GPR107: variants seen among roughly 807,000 people sequenced by gnomAD.
The protein encoded by GPR107 is G protein-coupled receptor 107.
In GPR107, 31 loss-of-function variants were observed where a neutral mutation model predicts 75.5. That is an observed-to-expected ratio of 0.41 (90% CI 0.31 to 0.55). The LOEUF (loss-of-function observed/expected upper bound fraction) is 0.55. GPR107 is among the 20% of genes least tolerant of loss of function. GPR107 has a pLI of 0.26. For missense variants in GPR107, 572 were observed against 665.7 expected, an observed-to-expected ratio of 0.86 and a Z score of 1.55; for synonymous variants, 267 against 251.3, an observed-to-expected ratio of 1.06 and a Z score of -0.59.
rs772041822 is a variant in GPR107, at chr9:130,092,418, A to G, written c.863+37A>G. 3.8e-6 allele frequency: 6 copies of G among 1,568,550 alleles called. 1 individual carries two copies. Among genetic ancestry groups the G allele is most frequent in the South Asian group, 3.3e-5 (3 of 90,172 alleles). ...CTCCCTTCAACTTAAGAGTGTGTTG[A>G]GATTTGAATAATGTCACTGTTTGTT... On this transcript the variant is annotated intron_variant, in intron 9 of 17. Coordinates refer to ENST00000347136, the MANE Select transcript of GPR107 (RefSeq NM_020960.5).
At chr9:130,093,223 AC>A (rs1254356954) in intron 9 of GPR107, among the ~76,000 whole-genome samples, 1 of 151,774 alleles carries the variant, frequency 6.6e-6, no homozygotes, top group Non-Finnish European at 1.5e-5. Context: ...TTTTTCTGAA[AC>A]CCCCGAGGCT....
At chr9:130,106,617 A>ATATAAAT (rs1831163943) in intron 13 of GPR107, among the ~76,000 whole-genome samples, 1 of 145,162 alleles carries the variant, frequency 6.9e-6, no homozygotes, top group Non-Finnish European at 1.5e-5. Context: ...ATAAATAAAT[A>ATATAAAT]AATAATAATA....
rs753271794 is a variant in GPR107 at position 130,092,363 on chromosome 9, A to T, written c.845A>T (p.His282Leu). 1 of 1,612,344 alleles carries T rather than the reference A, an allele frequency of 6.2e-7. No homozygotes were observed. Among genetic ancestry groups the T allele is most frequent in the South Asian group, 1.1e-5 (1 of 91,060 alleles). The change falls in exon 9 of 18, where the codon CAT (histidine) becomes CTT (leucine). Residue 282 changes from histidine (H) to leucine (L), a missense_variant. Physicochemically the swap from His to Leu is moderately conservative, Grantham distance 99. Transcript: ENST00000347136. ...FFFLSGTIWI[H>L]ILRKRRNDVF... is the part of the protein sequence containing the mutation. ...TTTCTTTCTGGGACCATCTGGATTC[A>T]TATCCTTCGAAAACGACGGTAAACT...
intron 1 of GPR107, among the ~76,000 whole-genome samples, chr9:130,064,511 T>C (rs1830023909): frequency 6.6e-6 from 1 of 152,232 alleles, no homozygotes; most frequent in Non-Finnish European, 1.5e-5. Flanking sequence ...AAATAGCTTT[T>C]CTTTATCCCT....
Position 130,135,318 on chromosome 9 carries a change from G to C in GPR107, c.*197G>C. 2.1e-6 allele frequency: 1 copy of C among 484,094 alleles called. No individual in the cohort carries two copies. The highest frequency in any genetic ancestry group is 3.6e-6 in the Non-Finnish European group (1 of 275,702). The allele number at this position is 484,094 out of a possible 1,614,324, so 30.0% of individuals were successfully genotyped here. Reference sequence around the variant, plus strand: ...GGAAACGATCTGTGGCTGTTTAGAGGCAGCTGGATCCTCTTTCAGGCGGGA... The same window carrying C: ...GGAAACGATCTGTGGCTGTTTAGAGCCAGCTGGATCCTCTTTCAGGCGGGA... On this transcript the variant is annotated 3_prime_UTR_variant, in exon 18 of 18. Coordinates refer to ENST00000347136, the MANE Select transcript of GPR107 (RefSeq NM_020960.5).
In GPR107 at chr9:130,128,771, C is replaced by A; in HGVS notation, c.1562+10C>A. On this transcript the variant is annotated intron_variant, in intron 17 of 17. Transcript: ENST00000347136. ...TGGAAATGGAGTCCGTGTAAGAAATCTTTCTTCCCTCTTCCTTAGCCCTGA... is the reference window on the plus strand; with the variant it reads ...TGGAAATGGAGTCCGTGTAAGAAATATTTCTTCCCTCTTCCTTAGCCCTGA... 6.2e-7 allele frequency: 1 copy of A among 1,612,940 alleles called. No homozygotes were observed.
intron 1 of GPR107, among the ~76,000 whole-genome samples, chr9:130,058,669 C>T (rs574145987): frequency 1.3e-5 from 2 of 152,022 alleles, no homozygotes; most frequent in South Asian, 4.2e-4. Context: ...TTTGCCATGG[C>T]GGCAAGGCTT....
At chr9:130,125,096 T>TGC (rs1239480266) in intron 15 of GPR107, 132 bp downstream of exon 15, 1 of 502,824 alleles carries the variant, frequency 2.0e-6, no homozygotes, top group South Asian at 2.9e-5. Context: ...CTTGCTTTTT[T>TGC]TTTTTTTTTT....
chr9:130,096,752 C>T (rs544876258), intron 9 of GPR107, among the ~76,000 whole-genome samples: 1 of 152,316 alleles, frequency 6.6e-6, no homozygotes, highest in African/African-American at 2.4e-5. Context: ...GCCACTGCGT[C>T]TGGCCTGATT....
At chr9:130,115,377 C>T (rs935963298) in intron 14 of GPR107, among the ~76,000 whole-genome samples, 1 of 151,974 alleles carries the variant, frequency 6.6e-6, no homozygotes, top group Admixed American at 6.6e-5. Flanking sequence ...CCCCTTTTTT[C>T]CGCTCATTTT....
At chr9:130,109,595 A>T (rs1434307563) in intron 14 of GPR107, among the ~76,000 whole-genome samples, 1 of 144,906 alleles carries the variant, frequency 6.9e-6, no homozygotes, top group Admixed American at 7.0e-5. Flanking sequence ...TTGGAGACGA[A>T]GTCTCGCACT....
At chr9:130,059,351 G>A (rs1352927877) in intron 1 of GPR107, among the ~76,000 whole-genome samples, 2 of 152,120 alleles carry the variant, frequency 1.3e-5, no homozygotes, top group African/African-American at 4.8e-5. Flanking sequence ...AGCCGAGTGC[G>A]GTGGCGGGCG....
intron 7 of GPR107, among the ~76,000 whole-genome samples, chr9:130,087,456 C>G (rs1468786377): frequency 3.3e-5 from 5 of 151,756 alleles, no homozygotes; most frequent in Admixed American, 3.3e-4. Context: ...TTGCTTGAGC[C>G]CAGGAGTTTT....
rs1389398128 is a variant in GPR107 at position 130,067,759 on chromosome 9, T to TG, written c.142-7877_142-7876insG. ...GTCCCCCCCCACCGCCCCCTTTTTT[T>TG]TTTTTGAGACAGTCTCACTCTGTCA... is the stretch of plus-strand genomic sequence containing the variant. On this transcript the variant is annotated intron_variant, in intron 1 of 17. Transcript: ENST00000347136. Among the ~76,000 whole-genome samples, 4 of 145,572 alleles carry TG rather than the reference T, an allele frequency of 2.7e-5. No homozygotes were observed. In the East Asian group the frequency reaches 8.1e-4, roughly 30 times the overall value.
intron 1 of GPR107, among the ~76,000 whole-genome samples, chr9:130,058,427 A>G (rs1196459283): frequency 2.0e-5 from 3 of 151,452 alleles, no homozygotes; most frequent in Non-Finnish European, 4.4e-5. Flanking sequence ...CCCTTTCTGG[A>G]TGTTTAATGT....
At chr9:130,055,135 C>G (rs1190535233) in intron 1 of GPR107, among the ~76,000 whole-genome samples, 2 of 152,084 alleles carry the variant, frequency 1.3e-5, no homozygotes, top group East Asian at 3.8e-4. Flanking sequence ...ATGACCCAAA[C>G]TCTTGTACAT....
chr9:130,137,952 G>C lies in GPR107; in HGVS notation c.*2831G>C, dbSNP rs1038757297. The stretch of plus-strand genomic sequence containing the variant: ...TATCCATGTTTCCTCTGAGAAATCT[G>C]TTGTGGACTGAAAGCGCTGCTGGCT... On this transcript the variant is annotated 3_prime_UTR_variant, in exon 18 of 18. Transcript: ENST00000347136. 1.3e-5 allele frequency: 2 copies of C among 152,248 alleles called. No individual in the cohort carries two copies. Among genetic ancestry groups the C allele is most frequent in the Non-Finnish European group, 2.9e-5 (2 of 68,052 alleles). 9.4% of individuals were successfully genotyped at this position (152,248 alleles called of 1,614,324 possible).
intron 14 of GPR107, among the ~76,000 whole-genome samples, chr9:130,119,393 C>T (rs1401821595): frequency 6.6e-6 from 1 of 152,200 alleles, no homozygotes; most frequent in Non-Finnish European, 1.5e-5. Context: ...TCCTATATGA[C>T]ACTAACACTG....
intron 14 of GPR107, among the ~76,000 whole-genome samples, chr9:130,116,024 G>T (rs1831421488): frequency 6.6e-6 from 1 of 152,196 alleles, no homozygotes; most frequent in Non-Finnish European, 1.5e-5. Context: ...GCCATCAACT[G>T]AGTCGCAGCT....
Sources: gnomAD v4.1 joint callset for allele counts (sites outside exome capture counted in the v4.1 genomes callset) on GRCh38, gnomAD v4.1.1 for gene constraint, MANE v1.5 for transcripts, NCBI Gene and HGNC (gene_info 2026-07-23, HGNC 2026-07-21) for gene names.